SRBD1: variants seen among roughly 807,000 people sequenced by gnomAD.
SRBD1 encodes S1 RNA binding domain 1.
A neutral mutation model predicts 115.3 loss-of-function variants in SRBD1; 88 were observed. The observed-to-expected ratio is 0.76, with a 90% CI of 0.64 to 0.91. The LOEUF is 0.91. Ranked by LOEUF, SRBD1 falls within the 40% of genes least tolerant of loss-of-function variation. The pLI is 0.00. For missense variants in SRBD1, 1,385 were observed against 1,177.4 expected, an observed-to-expected ratio of 1.18 and a Z score of -2.58; for synonymous variants, 509 against 407.7, an observed-to-expected ratio of 1.25 and a Z score of -2.99.
chr2:45,506,123 T>G (rs1474412518), intron 14 of SRBD1, among the ~76,000 whole-genome samples: 2 of 152,104 alleles, frequency 1.3e-5, no homozygotes. Context: ...AGTGATTTGT[T>G]TAGGGAGGAG....
chr2:45,513,901 T>C (rs774345024), intron 14 of SRBD1, among the ~76,000 whole-genome samples: 3 of 152,136 alleles, frequency 2.0e-5, no homozygotes, highest in Non-Finnish European at 4.4e-5. Flanking sequence ...TGGTAATAGC[T>C]ACCATATTAA....
At chr2:45,485,968 C>T (rs1670107443) in intron 15 of SRBD1, among the ~76,000 whole-genome samples, 1 of 152,190 alleles carries the variant, frequency 6.6e-6, no homozygotes, top group African/African-American at 2.4e-5. Flanking sequence ...TAAACATGGT[C>T]ATTGCCACAT....
At chr2:45,571,712 A>C (rs1262676470) in intron 9 of SRBD1, among the ~76,000 whole-genome samples, 3 of 152,004 alleles carry the variant, frequency 2.0e-5, no homozygotes, top group Non-Finnish European at 4.4e-5. Context: ...AAAAGAACAA[A>C]ATAGAAATTA....
intron 19 of SRBD1, among the ~76,000 whole-genome samples, chr2:45,407,844 C>T (rs1385182473): frequency 6.6e-6 from 1 of 151,742 alleles, no homozygotes; most frequent in Non-Finnish European, 1.5e-5. Context: ...CTTTAATATT[C>T]AAAGAACTCA....
At chr2:45,428,573 A>AATAC (rs1553329844) in intron 16 of SRBD1, among the ~76,000 whole-genome samples, 1 of 123,220 alleles carries the variant, frequency 8.1e-6, no homozygotes, top group Admixed American at 7.6e-5. Flanking sequence ...TAAATAAATA[A>AATAC]ATAAATAAAT....
chr2:45,393,384 A>AT (rs1004184737), intron 19 of SRBD1, among the ~76,000 whole-genome samples: 13 of 152,096 alleles, frequency 8.5e-5, no homozygotes, highest in Admixed American at 5.9e-4. Flanking sequence ...CACCAAAAAC[A>AT]TTTTTTTGTT....
intron 14 of SRBD1, among the ~76,000 whole-genome samples, chr2:45,492,891 T>C (rs1170788716): frequency 2.0e-5 from 3 of 152,240 alleles, no homozygotes. Context: ...ACATGCTCTT[T>C]TATGTTAACA....
chr2:45,417,630 T>G (rs892665293), intron 18 of SRBD1, among the ~76,000 whole-genome samples: 5 of 152,352 alleles, frequency 3.3e-5, no homozygotes, highest in African/African-American at 9.6e-5. Flanking sequence ...TGTTCTTCTT[T>G]CATGATTATA....
At chr2:45,599,201 A>G (rs1195020465) in intron 4 of SRBD1, among the ~76,000 whole-genome samples, 2 of 152,200 alleles carry the variant, frequency 1.3e-5, no homozygotes, top group African/African-American at 4.8e-5. Flanking sequence ...TATATAGTTT[A>G]TGTTCACTAA....
At chr2:45,470,547 G>C (rs1386827982) in intron 16 of SRBD1, among the ~76,000 whole-genome samples, 2 of 152,246 alleles carry the variant, frequency 1.3e-5, no homozygotes, top group Admixed American at 6.5e-5. Flanking sequence ...TTACCAAATG[G>C]AGGTGTTAAT....
At chr2:45,499,315 A>G (rs931000147) in intron 14 of SRBD1, among the ~76,000 whole-genome samples, 1 of 152,122 alleles carries the variant, frequency 6.6e-6, no homozygotes, top group Non-Finnish European at 1.5e-5. Flanking sequence ...ATGTTTGTAC[A>G]GGTCTTTTGA....
intron 4 of SRBD1, among the ~76,000 whole-genome samples, chr2:45,598,945 T>C (rs888360526): frequency 2.0e-5 from 3 of 152,112 alleles, no homozygotes; most frequent in Non-Finnish European, 1.5e-5. Flanking sequence ...CTGGGAGAAA[T>C]CTGATTTCCC....
chr2:45,559,554 A>G (rs1423162256), intron 10 of SRBD1, among the ~76,000 whole-genome samples: 1 of 152,178 alleles, frequency 6.6e-6, no homozygotes, highest in Non-Finnish European at 1.5e-5. Context: ...TATCTGTCTA[A>G]TTTACAGGGG....
intron 16 of SRBD1, among the ~76,000 whole-genome samples, chr2:45,442,238 T>G (rs572405664): frequency 2.0e-5 from 3 of 152,306 alleles, no homozygotes; most frequent in South Asian, 4.1e-4. Flanking sequence ...TTCTCTATCT[T>G]ATAACTGACA....
At chr2:45,539,049 G>A (rs539966146) in intron 14 of SRBD1, among the ~76,000 whole-genome samples, 1 of 152,134 alleles carries the variant, frequency 6.6e-6, no homozygotes, top group African/African-American at 2.4e-5. Context: ...TGATTGAAAA[G>A]ATCATTATCT....
At chr2:45,521,288 C>CACAA in intron 14 of SRBD1, among the ~76,000 whole-genome samples, 1 of 119,986 alleles carries the variant, frequency 8.3e-6, no homozygotes, top group East Asian at 2.1e-4. Flanking sequence ...AAAAGGAAAA[C>CACAA]ACACACACAC....
chr2:45,409,438 T>C (rs1201367409), intron 19 of SRBD1, among the ~76,000 whole-genome samples: 1 of 150,078 alleles, frequency 6.7e-6, no homozygotes, highest in Non-Finnish European at 1.5e-5. Context: ...TGGCCCAAAG[T>C]TGAGAACAAG....
rs566593799 is a variant in SRBD1 at position 45,401,431 on chromosome 2, T to C, written c.2514-8302A>G. On this transcript the variant is annotated intron_variant, in intron 19 of 20. Coordinates refer to ENST00000263736, the MANE Select transcript of SRBD1 (RefSeq NM_018079.5). ...TTAGAAATTAATGTAGGATAACTAA[T>C]TGATACACATCTTACATTATCATTT... Among the ~76,000 whole-genome samples, 3 of 152,332 alleles carry C rather than the reference T, an allele frequency of 2.0e-5. No individual in the cohort carries two copies. In the South Asian group the frequency reaches 6.2e-4, roughly 32 times the overall value.
intron 14 of SRBD1, among the ~76,000 whole-genome samples, chr2:45,541,189 G>A (rs1443815350): frequency 6.6e-6 from 1 of 152,246 alleles, no homozygotes; most frequent in East Asian, 1.9e-4. Context: ...GCAAGGCTGT[G>A]GCTGGACCAG....
Sources: allele counts gnomAD v4.1 joint callset (sites outside exome capture counted in the v4.1 genomes callset), GRCh38; gene constraint gnomAD v4.1.1; transcripts MANE v1.5; gene names NCBI Gene and HGNC (gene_info 2026-07-23, HGNC 2026-07-21).